The following DAB2 variants were observed in gnomAD, a reference collection of about 807,000 sequenced individuals.
DAB2 encodes the protein DAB adaptor protein 2.
Under a neutral mutation model 71.6 loss-of-function variants are expected in DAB2, and 28 were observed. The observed-to-expected ratio is 0.39, with a 90% CI of 0.29 to 0.54. DAB2 has a LOEUF of 0.54. DAB2 is among the 20% of genes least tolerant of loss of function. The probability of loss-of-function intolerance (pLI) is 0.68; values close to 1 mark genes in which losing one functional copy is unlikely to be tolerated. For synonymous variants in DAB2, 345 were observed against 339.7 expected (o/e 1.02, Z -0.17); for missense variants, 867 against 928.8 (o/e 0.93, Z 0.86).
chr5:39,374,607 G>A (rs2112017347), intron 14 of DAB2: 1 of 174,668 alleles, frequency 5.7e-6, no homozygotes, highest in Admixed American at 6.4e-5. Context: ...TGCTGACTTG[G>A]TGGCTTCAGA....
At chr5:39,381,699 C>A in intron 10 of DAB2, 83 bp from the exon 11 acceptor site, 2 of 1,475,804 alleles carry the variant, frequency 1.4e-6, no homozygotes, top group Admixed American at 2.1e-5. Context: ...TACCCTATAC[C>A]CCAATTTGAG....
chr5:39,414,939 A>G (rs534986478), intron 1 of DAB2, among the ~76,000 whole-genome samples: 1 of 152,144 alleles, frequency 6.6e-6, no homozygotes, highest in South Asian at 2.1e-4. Flanking sequence ...CATGGTCTCT[A>G]CTCTAAAGGG....
chr5:39,376,006 T>C lies in DAB2; in HGVS notation c.2238A>G (p.Ser746=), dbSNP rs779994787. The stretch of plus-strand genomic sequence containing the variant: ...AGTAGTTCATACTTACAGAGGCTTG[T>C]GATGAACCAAAAGAATCTTTAAAGA... The part of the protein sequence containing the change: ...NPFFKDSFGS[S]QASVASSQPV... The change falls in exon 13 of 15, where the codon TCA becomes TCG. Residue 746 remains serine (S), a synonymous_variant. Transcript: ENST00000320816. 1 of 1,613,366 alleles carries C rather than the reference T, an allele frequency of 6.2e-7. No individual in the cohort carries two copies. Among genetic ancestry groups the C allele is most frequent in the South Asian group, 1.1e-5 (1 of 91,064 alleles).
rs115061246 is a variant in DAB2, at chr5:39,414,288, C to A, written c.-102+10516G>T. ...CTGCACAGGGAAATAAGAAACAAAA[C>A]AAAACAAGATTCTTTGATTTGGGCA... On this transcript the variant is annotated intron_variant, in intron 1 of 14. Coordinates refer to ENST00000320816, the MANE Select transcript of DAB2 (RefSeq NM_001343.4). Among the ~76,000 whole-genome samples the A allele has an allele frequency of 4.8e-3, 725 of 152,136 alleles. 7 individuals carry two copies. Among genetic ancestry groups the A allele is most frequent in the African/African-American group, 0.017 (699 of 41,530 alleles).
At chr5:39,396,276 G>A (rs1277217537) in intron 1 of DAB2, among the ~76,000 whole-genome samples, 1 of 152,190 alleles carries the variant, frequency 6.6e-6, no homozygotes, top group African/African-American at 2.4e-5. Flanking sequence ...AACCCAGACT[G>A]TCTGGCCCCA....
At chr5:39,386,618 A>G (rs965390676) in intron 9 of DAB2, among the ~76,000 whole-genome samples, 1 of 152,236 alleles carries the variant, frequency 6.6e-6, no homozygotes, top group Non-Finnish European at 1.5e-5. Context: ...TAGACTTCAT[A>G]AAGTCTAATA....
intron 9 of DAB2, among the ~76,000 whole-genome samples, chr5:39,386,224 G>A (rs777194730): frequency 6.6e-6 from 1 of 152,146 alleles, no homozygotes; most frequent in Non-Finnish European, 1.5e-5. Context: ...TAAAAATTCT[G>A]TTCTAGGGGA....
intron 1 of DAB2, among the ~76,000 whole-genome samples, chr5:39,406,693 G>A (rs1028213724): frequency 4.6e-5 from 7 of 152,146 alleles, no homozygotes; most frequent in South Asian, 4.1e-4. Context: ...GAATAAACCC[G>A]TTTTAAAATT....
chr5:39,377,829 T>C (rs184453045), intron 11 of DAB2, among the ~76,000 whole-genome samples: 2 of 152,298 alleles, frequency 1.3e-5, no homozygotes, highest in Admixed American at 1.3e-4. Context: ...CTCAACATGC[T>C]TGCATCCTGA....
chr5:39,388,345 A>G lies in DAB2; in HGVS notation c.647T>C (p.Phe216Ser), dbSNP rs781074098. ...GTCAGGAGGTGTAGACATGTCCCCA[A>G]ACAAATCCATCTGGTCAACACCCTT... ...LKSGVDQMDL[F>S]GDMSTPPDLN... Residue 216 changes from phenylalanine (F) to serine (S), a missense_variant, in exon 9 of 15, where the codon TTT becomes TCT. This residue lies in a region of DAB2 where 740 missense variants were observed against 734.3 expected (regional missense o/e 1.01). Transcript: ENST00000320816. The G allele has an allele frequency of 4.3e-6, 7 of 1,612,328 alleles. No individual in the cohort carries two copies. Among genetic ancestry groups the G allele is most frequent in the Admixed American group, 1.7e-5 (1 of 59,880 alleles).
At position 39,394,399 on chromosome 5, in the gene DAB2, T is replaced by C. The variant is rs1338514192; in HGVS notation, c.-79A>G. ...GCGATCCCGATGGAGAAGTCTCAAA[T>C]AAACATAACCTCCCACAGACACCTG... On this transcript the variant is annotated 5_prime_UTR_variant, in exon 2 of 15. Coordinates refer to ENST00000320816, the MANE Select transcript of DAB2 (RefSeq NM_001343.4). 9.3e-7 allele frequency: 1 copy of C among 1,075,172 alleles called. No homozygotes were observed. Among genetic ancestry groups the C allele is most frequent in the East Asian group, 2.4e-5 (1 of 42,408 alleles). The allele number at this position is 1,075,172 out of a possible 1,614,324, so 66.6% of individuals were successfully genotyped here.
Position 39,422,450 on chromosome 5 carries a change from T to C in DAB2, c.-102+2354A>G, listed in dbSNP as rs781148339. ...GCTTTGTCTTTAAGAAGAGCAATAA[T>C]TAAATCCTCAGGTCAAAAGAATGAG... On this transcript the variant is annotated intron_variant, in intron 1 of 14. Coordinates refer to ENST00000320816, the MANE Select transcript of DAB2 (RefSeq NM_001343.4). The surrounding 1 kb of genome is among the most constrained non-coding windows in gnomAD (Gnocchi z 4.1). 3.3e-5 allele frequency among the ~76,000 whole-genome samples: 5 copies of C among 152,172 alleles called. No homozygotes were observed. Among genetic ancestry groups the C allele is most frequent in the Non-Finnish European group, 5.9e-5 (4 of 68,042 alleles).
chr5:39,388,793 A>G lies in DAB2; in HGVS notation c.624+6T>C. The G allele has an allele frequency of 6.2e-7, 1 of 1,611,310 alleles. No homozygotes were observed. The highest frequency in any genetic ancestry group is 1.1e-5 in the South Asian group (1 of 91,010). On this transcript the variant is annotated splice_donor_region_variant and intron_variant, in intron 8 of 14. Transcript: ENST00000320816. The stretch of plus-strand genomic sequence containing the variant: ...GAACTGTCAAACGTCACATATTAAT[A>G]CATACCGATTTCAGTTTGTTAGTTT...
Position 39,382,599 on chromosome 5 carries a change from T to C in DAB2, c.1341+19A>G. On this transcript the variant is annotated intron_variant, in intron 10 of 14. Coordinates refer to ENST00000320816, the MANE Select transcript of DAB2 (RefSeq NM_001343.4). ...CGAACATGCACTCTGCTAATGGATATGTGGAGAAGACAATTCACCTTAGCA... is the reference window on the plus strand; with the variant it reads ...CGAACATGCACTCTGCTAATGGATACGTGGAGAAGACAATTCACCTTAGCA... 6.2e-7 allele frequency: 1 copy of C among 1,605,572 alleles called. No individual in the cohort carries two copies. Among genetic ancestry groups the C allele is most frequent in the Non-Finnish European group, 8.5e-7 (1 of 1,173,266 alleles).
intron 1 of DAB2, among the ~76,000 whole-genome samples, chr5:39,421,855 G>A (rs1281842322): frequency 2.7e-5 from 4 of 150,890 alleles, no homozygotes; most frequent in Non-Finnish European, 5.9e-5. Context: ...TCAGGAGTTC[G>A]AGACCAGCCT....
Position 39,381,549 on chromosome 5 carries a change from G to T in DAB2, c.1409C>A (p.Ala470Glu), listed in dbSNP as rs749072724. The part of the protein sequence containing the change: ...APPVSEPSGQ[A>E]SPTGQPTALQ... ...GGCTGTAGGTTGTCCTGTGGGTGACGCCTGGCCTGAAGGTTCTGAGACGGG... is the reference window on the plus strand; with the variant it reads ...GGCTGTAGGTTGTCCTGTGGGTGACTCCTGGCCTGAAGGTTCTGAGACGGG... Residue 470 changes from alanine (A) to glutamate (E), a missense_variant, in exon 11 of 15, where the codon GCG becomes GAG. Around this residue, in one of 2 missense-constraint regions of DAB2, gnomAD observed 740 missense variants for 734.3 expected, o/e 1.01. Coordinates refer to ENST00000320816, the MANE Select transcript of DAB2 (RefSeq NM_001343.4). The T allele has an allele frequency of 6.2e-7, 1 of 1,613,926 alleles. No individual in the cohort carries two copies. The highest frequency in any genetic ancestry group is 8.5e-7 in the Non-Finnish European group (1 of 1,179,978).
chr5:39,420,654 A>C (rs1268370639), intron 1 of DAB2, among the ~76,000 whole-genome samples: 1 of 152,228 alleles, frequency 6.6e-6, no homozygotes, highest in African/African-American at 2.4e-5. Context: ...GAAATTTCAT[A>C]AGCTTTCATG....
chr5:39,421,640 T>G (rs1755989291), intron 1 of DAB2, among the ~76,000 whole-genome samples: 1 of 152,214 alleles, frequency 6.6e-6, no homozygotes, highest in Admixed American at 6.5e-5. Context: ...ATTTGCTTGT[T>G]TTCTGTCTTT....
At position 39,394,300 on chromosome 5, in the gene DAB2, T is replaced by A; in HGVS notation, c.21A>T (p.Thr7=). The A allele has an allele frequency of 6.2e-7, 1 of 1,614,192 alleles. No homozygotes were observed. The highest frequency in any genetic ancestry group is 8.5e-7 in the Non-Finnish European group (1 of 1,180,020). The change falls in exon 2 of 15, where the codon ACA becomes ACT. Residue 7 remains threonine (T), a synonymous_variant. Transcript: ENST00000320816. MSNEVE[T]SATNGQPDQQ... is the part of the protein sequence containing the mutation. Reference sequence around the variant, plus strand: ...GGTCGGGCTGACCATTGGTTGCACTTGTTTCTACTTCGTTAGACATGGCAA... The same window carrying A: ...GGTCGGGCTGACCATTGGTTGCACTAGTTTCTACTTCGTTAGACATGGCAA...
Sources: allele counts gnomAD v4.1 joint callset (sites outside exome capture counted in the v4.1 genomes callset), GRCh38; gene constraint gnomAD v4.1.1; regional missense constraint gnomAD v4.1.1; non-coding constraint Gnocchi (gnomAD v3.1); transcripts MANE v1.5; gene names NCBI Gene and HGNC (gene_info 2026-07-23, HGNC 2026-07-21).